Variants in CBLN2 observed in about 807,000 individuals in gnomAD.
CBLN2 encodes cerebellin-2.
A neutral mutation model predicts 15.0 loss-of-function variants in CBLN2; 7 were observed. That is an observed-to-expected ratio of 0.47 (90% CI 0.27 to 0.88). The LOEUF is 0.88. Among genes scored for constraint, CBLN2 ranks in the 40% least tolerant of loss-of-function variants. The pLI is 0.14. For synonymous variants in CBLN2, 149 were observed against 135.2 expected (o/e 1.10, Z -0.71); for missense variants, 242 against 304.5 (o/e 0.79, Z 1.53).
At chr18:72,538,579 C>A (rs2069086089) in intron 4 of CBLN2, 74 bp downstream of exon 4, 2 of 1,585,420 alleles carry the variant, frequency 1.3e-6, no homozygotes, top group African/African-American at 2.7e-5. Flanking sequence ...GCCTCAGAGA[C>A]CAGGTGAAGG....
chr18:72,583,200 C>A (rs1264995489), intron 1 of CBLN2, among the ~76,000 whole-genome samples: 1 of 152,178 alleles, frequency 6.6e-6, no homozygotes, highest in African/African-American at 2.4e-5. Context: ...CACATATGTT[C>A]ACCTGAAAAT....
intron 1 of CBLN2, among the ~76,000 whole-genome samples, chr18:72,570,829 A>G (rs1219680382): frequency 1.3e-5 from 2 of 152,180 alleles, no homozygotes; most frequent in Non-Finnish European, 2.9e-5. Flanking sequence ...GAGATTGGCT[A>G]CTAACTTTCT....
chr18:72,618,506 T>C (rs1599025848), intron 1 of CBLN2: 1 of 680,696 alleles, frequency 1.5e-6, no homozygotes, highest in East Asian at 3.0e-5. Context: ...ACAAGGTGGA[T>C]GCAAGAGTTG....
At chr18:72,538,960 G>T in intron 3 of CBLN2, 188 bp from the exon 4 acceptor site, 1 of 572,616 alleles carries the variant, frequency 1.7e-6, no homozygotes, top group Non-Finnish European at 3.0e-6. Flanking sequence ...ATAGCAGGAA[G>T]TAATCTCAAA....
intron 1 of CBLN2, among the ~76,000 whole-genome samples, chr18:72,577,711 C>T (rs1252472507): frequency 1.3e-5 from 2 of 152,196 alleles, no homozygotes; most frequent in Non-Finnish European, 2.9e-5. Context: ...TTCTAACGTG[C>T]TTTGGTGCCA....
Position 72,625,820 on chromosome 18 carries a change from A to C in CBLN2, c.15+12505T>G, listed in dbSNP as rs28391554. On this transcript the variant is annotated intron_variant, in intron 1 of 2. Transcript: ENST00000581073. ...TCTCTCTCTCTCTCTCTCTCTCTCT[A>C]TATATATATATATATATATATATAG... Among the ~76,000 whole-genome samples, 584 of 70,510 alleles carry C rather than the reference A, an allele frequency of 8.3e-3. 1 individual carries two copies. The highest frequency in any genetic ancestry group is 0.022 in the African/African-American group (339 of 15,630). 46.3% of individuals were successfully genotyped at this position (70,510 alleles called of 152,430 possible).
chr18:72,635,997 T>A (rs187796725), intron 1 of CBLN2, among the ~76,000 whole-genome samples: 1 of 152,308 alleles, frequency 6.6e-6, no homozygotes, highest in African/African-American at 2.4e-5. Flanking sequence ...CTGAATCAAA[T>A]ATGTTATTTA....
rs2069069325 is a variant in CBLN2 at position 72,537,189 on chromosome 18, CTT to C, written c.*985_*986del. On this transcript the variant is annotated 3_prime_UTR_variant, in exon 5 of 5. Transcript: ENST00000269503. ...TGGTCATTACAGCTTCCATTACCAA[CTT>C]ATATGATTCAGGACCACTCAGGAAC... 6.6e-6 allele frequency: 1 copy of C among 152,040 alleles called. No individual in the cohort carries two copies. The allele number at this position is 152,040 out of a possible 1,614,324, so 9.4% of individuals were successfully genotyped here. A position where few individuals can be genotyped will look rare whatever the true frequency, so the allele number is the denominator to read the frequency against.
chr18:72,623,797 G>C (rs976116985), intron 1 of CBLN2, among the ~76,000 whole-genome samples: 2 of 152,188 alleles, frequency 1.3e-5, no homozygotes, highest in Non-Finnish European at 2.9e-5. Flanking sequence ...AACTCAAGAA[G>C]TGCTGCGGCA....
At chr18:72,635,072 A>C (rs2069803339) in intron 1 of CBLN2, among the ~76,000 whole-genome samples, 1 of 152,094 alleles carries the variant, frequency 6.6e-6, no homozygotes, top group Non-Finnish European at 1.5e-5. Flanking sequence ...ATTTTTCTGC[A>C]CAGAGTTCCC....
At chr18:72,588,554 T>A (rs555436495) in intron 1 of CBLN2, among the ~76,000 whole-genome samples, 1 of 152,260 alleles carries the variant, frequency 6.6e-6, no homozygotes, top group Non-Finnish European at 1.5e-5. Context: ...TGAAGAGACA[T>A]CATTTCTGAG....
In CBLN2 at chr18:72,561,813, A is replaced by G. The variant is rs149383659; in HGVS notation, c.16-23041T>C. Among the ~76,000 whole-genome samples, 14 of 152,334 alleles carry G rather than the reference A, an allele frequency of 9.2e-5. No individual in the cohort carries two copies. In the East Asian group the frequency reaches 2.1e-3, roughly 23 times the overall value. ...GTGCGGCAATAACATGTGCATTAGC[A>G]TGAGGGCTTAAAATTACGTAAACAT... On this transcript the variant is annotated intron_variant, in intron 1 of 2. Transcript: ENST00000581073.
intron 1 of CBLN2, among the ~76,000 whole-genome samples, chr18:72,591,649 T>C (rs1029338506): frequency 3.9e-5 from 6 of 152,180 alleles, no homozygotes; most frequent in African/African-American, 7.2e-5. Flanking sequence ...ATGTCCCCAC[T>C]ACCCTTCCCA....
intron 1 of CBLN2, among the ~76,000 whole-genome samples, chr18:72,612,736 C>A (rs2069630725): frequency 6.6e-6 from 1 of 152,184 alleles, no homozygotes; most frequent in South Asian, 2.1e-4. Context: ...AGTTTAAAAT[C>A]CTACATGATT....
intron 1 of CBLN2, among the ~76,000 whole-genome samples, chr18:72,622,574 T>TC: frequency 6.6e-6 from 1 of 152,266 alleles, no homozygotes; most frequent in East Asian, 1.9e-4. Flanking sequence ...TTCCCAGGCT[T>TC]CCCGAATATC....
chr18:72,625,422 G>A (rs2069729716), intron 1 of CBLN2, among the ~76,000 whole-genome samples: 1 of 151,738 alleles, frequency 6.6e-6, no homozygotes, highest in Non-Finnish European at 1.5e-5. Flanking sequence ...TACCACTCTT[G>A]TAGTTTTATG....
intron 1 of CBLN2, among the ~76,000 whole-genome samples, chr18:72,551,946 C>A (rs1021152977): frequency 5.1e-4 from 78 of 152,104 alleles, no homozygotes; most frequent in Non-Finnish European, 8.8e-5. Flanking sequence ...CCTTTCATAT[C>A]AAAAAGTTAA....
At chr18:72,613,622 G>T (rs530532917) in intron 1 of CBLN2, among the ~76,000 whole-genome samples, 1 of 152,266 alleles carries the variant, frequency 6.6e-6, no homozygotes, top group South Asian at 2.1e-4. Flanking sequence ...AAGGAGGCAG[G>T]CTGTGAGTGA....
chr18:72,635,444 T>A (rs1009179289), intron 1 of CBLN2, among the ~76,000 whole-genome samples: 3 of 152,166 alleles, frequency 2.0e-5, no homozygotes, highest in Admixed American at 6.5e-5. Flanking sequence ...CTATGAAGAA[T>A]GCCTTTCAAA....
Sources: gnomAD v4.1 joint callset for allele counts (sites outside exome capture counted in the v4.1 genomes callset) on GRCh38, gnomAD v4.1.1 for gene constraint, MANE v1.5 for transcripts, NCBI Gene and HGNC (gene_info 2026-07-23, HGNC 2026-07-21) for gene names.